The following ADAM7 variants were observed in gnomAD, a reference collection of about 807,000 sequenced individuals.
The protein encoded by ADAM7 is ADAM metallopeptidase domain 7.
Under a neutral mutation model 102.9 loss-of-function variants are expected in ADAM7, and 97 were observed. That is an observed-to-expected ratio of 0.94 (90% confidence interval 0.80 to 1.12). The LOEUF (loss-of-function observed/expected upper bound fraction) is 1.12. Among genes scored for constraint, ADAM7 ranks in the 50% most tolerant of loss-of-function variants. ADAM7 has a pLI of 0.00. For synonymous variants in ADAM7, 334 were observed against 304.4 expected, an observed-to-expected ratio of 1.10 and a Z score of -1.01; for missense variants, 991 against 908.7, an observed-to-expected ratio of 1.09 and a Z score of -1.16.
rs764030316 is a variant in ADAM7, at chr8:24,500,189, C to T, written c.1935C>T (p.His645=). 1.4e-5 allele frequency: 22 copies of T among 1,610,210 alleles called. No homozygotes were observed. Among genetic ancestry groups the T allele is most frequent in the Middle Eastern group, 1.6e-4 (1 of 6,066 alleles). Residue 645 remains histidine (H), a synonymous_variant, in exon 18 of 22, where the codon CAC becomes CAT. Coordinates refer to ENST00000175238, the MANE Select transcript of ADAM7 (RefSeq NM_003817.4). Reference sequence around the variant, plus strand: ...GACTGCTCTTCCAGGTGGATGGCCACGGACTCCAGTGCCACTGTGAGGAAG... The same window carrying T: ...GACTGCTCTTCCAGGTGGATGGCCATGGACTCCAGTGCCACTGTGAGGAAG... ...SQCNENPVDG[H]GLQCHCEEGQ... is the part of the protein sequence containing the mutation.
At chr8:24,504,572 T>C (rs11998663) in intron 20 of ADAM7, among the ~76,000 whole-genome samples, 2,673 of 152,266 alleles carry the variant, frequency 0.018, 71 homozygotes, top group African/African-American at 0.06. Flanking sequence ...AGGCTAATAA[T>C]TAACTGACTC....
In ADAM7 at chr8:24,499,418, G is replaced by A. The variant is rs547545177; in HGVS notation, c.1923+102G>A. ...TATATGTATGTATATATGTATTTTT[G>A]CTGCTTTCTAAATCAAATATATATT... On this transcript the variant is annotated intron_variant, in intron 17 of 21. Coordinates refer to ENST00000175238, the MANE Select transcript of ADAM7 (RefSeq NM_003817.4). 1.8e-4 allele frequency: 149 copies of A among 820,142 alleles called. 1 individual carries two copies. In the African/African-American group the frequency reaches 2.2e-3, roughly 12 times the overall value. The allele number at this position is 820,142 out of a possible 1,614,324, so 50.8% of individuals were successfully genotyped here.
intron 20 of ADAM7, chr8:24,506,195 T>C: frequency 1.4e-6 from 2 of 1,410,232 alleles, no homozygotes; most frequent in Non-Finnish European, 1.9e-6. Context: ...GTGGGCTATG[T>C]CCTTTCCAAT....
chr8:24,478,844 T>G (rs74824236), intron 8 of ADAM7, among the ~76,000 whole-genome samples: 3,131 of 152,236 alleles, frequency 0.021, 122 homozygotes, highest in African/African-American at 0.072. Context: ...TAGTAGAGTC[T>G]AAGAAAATAA....
intron 13 of ADAM7, among the ~76,000 whole-genome samples, chr8:24,491,143 C>G (rs1231645380): frequency 6.6e-6 from 1 of 152,128 alleles, no homozygotes; most frequent in African/African-American, 2.4e-5. Flanking sequence ...TCTATTCTTG[C>G]TCCTTTGTAA....
chr8:24,482,391 A>C (rs989693878), intron 9 of ADAM7, 80 bp downstream of exon 9: 19 of 1,148,726 alleles, frequency 1.7e-5, no homozygotes, highest in East Asian at 1.5e-4. Flanking sequence ...CAGAAAAAAA[A>C]CATTTTTTAA....
intron 21 of ADAM7, 97 bp downstream of exon 21, chr8:24,507,632 C>A: frequency 1.0e-6 from 1 of 988,988 alleles, no homozygotes. Context: ...CTGGGGACAT[C>A]CTCTGTACTT....
intron 3 of ADAM7, among the ~76,000 whole-genome samples, chr8:24,449,242 T>C (rs962013801): frequency 6.6e-6 from 1 of 152,220 alleles, no homozygotes; most frequent in Admixed American, 6.5e-5. Flanking sequence ...ACTTCCACAA[T>C]GGTTGAACTA....
chr8:24,466,867 A>C lies in ADAM7; in HGVS notation c.458A>C (p.His153Pro), dbSNP rs1424973377. Reference protein sequence around the residue: ...EPVKYSDEGEHLVFKYNLRVP... With the variant: ...EPVKYSDEGEPLVFKYNLRVP... ...GTGAAATACTCAGATGAGGGAGAAC[A>C]TTTGGTGTTCAAATATAACCTGAGG... is the stretch of plus-strand genomic sequence containing the variant. Residue 153 changes from histidine to proline, a missense_variant, in exon 6 of 22, where the codon CAT (histidine) becomes CCT (proline). His to Pro is a moderately conservative substitution (Grantham distance 77). Transcript: ENST00000175238. The C allele has an allele frequency of 6.2e-7, 1 of 1,613,958 alleles. No homozygotes were observed. The highest frequency in any genetic ancestry group is 1.3e-5 in the African/African-American group (1 of 74,930).
chr8:24,464,328 T>A (rs911324452), intron 4 of ADAM7, among the ~76,000 whole-genome samples: 4 of 152,124 alleles, frequency 2.6e-5, no homozygotes, highest in African/African-American at 9.7e-5. Flanking sequence ...AACTTTAAAA[T>A]CTCCATTAAT....
At chr8:24,488,545 G>A (rs898976341) in intron 11 of ADAM7, among the ~76,000 whole-genome samples, 8 of 151,974 alleles carry the variant, frequency 5.3e-5, no homozygotes, top group African/African-American at 1.5e-4. Flanking sequence ...ATTTTACAGA[G>A]TCCTAGTATC....
At chr8:24,449,744 T>C (rs1818708520) in intron 3 of ADAM7, among the ~76,000 whole-genome samples, 1 of 152,226 alleles carries the variant, frequency 6.6e-6, no homozygotes, top group Non-Finnish European at 1.5e-5. Flanking sequence ...TCCTGAATGG[T>C]AATGCCTAGG....
In ADAM7 at chr8:24,509,465, T is replaced by G; in HGVS notation, c.*919T>G. The G allele has an allele frequency of 5.1e-6, 5 of 984,990 alleles. No homozygotes were observed. The highest frequency in any genetic ancestry group is 6.0e-6 in the Non-Finnish European group (5 of 829,514). 61.0% of individuals were successfully genotyped at this position (984,990 alleles called of 1,614,324 possible). A position where few individuals can be genotyped will look rare whatever the true frequency, so the allele number is the denominator to read the frequency against. On this transcript the variant is annotated 3_prime_UTR_variant, in exon 22 of 22. Coordinates refer to ENST00000175238, the MANE Select transcript of ADAM7 (RefSeq NM_003817.4). ...CTTCTTGTGAACTGTTAAAGCTACATGCATTATTTTTTTTCCATTTACTGA... is the reference window on the plus strand; with the variant it reads ...CTTCTTGTGAACTGTTAAAGCTACAGGCATTATTTTTTTTCCATTTACTGA...
In ADAM7 at chr8:24,441,822, A is replaced by T. The variant is rs190689830; in HGVS notation, c.53-651A>T. On this transcript the variant is annotated intron_variant, in intron 1 of 21. Coordinates refer to ENST00000175238, the MANE Select transcript of ADAM7 (RefSeq NM_003817.4). ...ATTCAGTAATTTACATTCAAACAGG[A>T]CAACAGTGCAGGCTTTGACAGGAGA... 1.0e-3 allele frequency among the ~76,000 whole-genome samples: 155 copies of T among 152,356 alleles called. 2 individuals carry two copies. The highest frequency in any genetic ancestry group is 3.6e-3 in the African/African-American group (148 of 41,582).
Position 24,508,994 on chromosome 8 carries a change from T to C in ADAM7, c.*448T>C. The C allele has an allele frequency of 1.0e-6, 1 of 993,778 alleles. No individual in the cohort carries two copies. The highest frequency in any genetic ancestry group is 5.9e-5 in the Admixed American group (1 of 16,944). 61.6% of individuals were successfully genotyped at this position (993,778 alleles called of 1,614,324 possible). Reference sequence around the variant, plus strand: ...GACATCATTAGCACTAATTCTGGTTTAAATGAAAGTCCTGCAGAAATGCCA... The same window carrying C: ...GACATCATTAGCACTAATTCTGGTTCAAATGAAAGTCCTGCAGAAATGCCA... On this transcript the variant is annotated 3_prime_UTR_variant, in exon 22 of 22. Coordinates refer to ENST00000175238, the MANE Select transcript of ADAM7 (RefSeq NM_003817.4).
intron 7 of ADAM7, among the ~76,000 whole-genome samples, chr8:24,474,918 G>T (rs1225774602): frequency 6.6e-6 from 1 of 151,874 alleles, no homozygotes; most frequent in African/African-American, 2.4e-5. Flanking sequence ...AACAAAAAGA[G>T]CAAGAAAGCA....
Position 24,477,107 on chromosome 8 carries a change from A to G in ADAM7, c.705+603A>G, listed in dbSNP as rs141208077. On this transcript the variant is annotated intron_variant, in intron 8 of 21. Transcript: ENST00000175238. ...TGGTTACTAATTCACCAGTTGAGGG[A>G]CATTTAATCTGTTTGTAGTTTTTGG... 4.7e-3 allele frequency among the ~76,000 whole-genome samples: 709 copies of G among 152,334 alleles called. 4 individuals carry two copies. The highest frequency in any genetic ancestry group is 0.016 in the African/African-American group (675 of 41,586).
At chr8:24,452,173 G>C (rs1452445279) in intron 3 of ADAM7, among the ~76,000 whole-genome samples, 1 of 151,322 alleles carries the variant, frequency 6.6e-6, no homozygotes, top group African/African-American at 2.4e-5. Flanking sequence ...GGTCCACTTG[G>C]TGCAGAGCTG....
chr8:24,500,146 A>G (rs779971211), intron 17 of ADAM7, 32 bp from the exon 18 acceptor site: 3 of 1,578,056 alleles, frequency 1.9e-6, no homozygotes, highest in South Asian at 1.1e-5. Context: ...TATATCAGTC[A>G]TTTGAGAATA....
Sources: allele counts gnomAD v4.1 joint callset (sites outside exome capture counted in the v4.1 genomes callset), GRCh38; gene constraint gnomAD v4.1.1; transcripts MANE v1.5; gene names NCBI Gene and HGNC (gene_info 2026-07-23, HGNC 2026-07-21).